SGK2: variants seen among roughly 807,000 people sequenced by gnomAD.
SGK2 encodes the protein serum/glucocorticoid regulated kinase 2, also known as serine/threonine-protein kinase Sgk2.
In SGK2, 36 loss-of-function variants were observed where a neutral mutation model predicts 47.5. The ratio of observed to expected loss-of-function variants is 0.76; its 90% CI spans 0.58 to 1.00. The LOEUF (loss-of-function observed/expected upper bound fraction) is 1.00, where lower values mean the gene tolerates loss of function less well. Among genes scored for constraint, SGK2 ranks in the 50% least tolerant of loss-of-function variants. The pLI is 0.00. For missense variants in SGK2, 404 were observed against 467.4 expected (o/e 0.86, Z 1.25); for synonymous variants, 157 against 181.9 (o/e 0.86, Z 1.10).
chr20:43,576,083 C>G, intron 10 of SGK2, 141 bp from the exon 11 acceptor site: 1 of 956,770 alleles, frequency 1.0e-6, no homozygotes, highest in Non-Finnish European at 1.6e-6. Context: ...AGTCCTGTCT[C>G]TTTCCAGTCT....
At chr20:43,563,341 G>T (rs1979503465) in intron 1 of SGK2, among the ~76,000 whole-genome samples, 1 of 152,132 alleles carries the variant, frequency 6.6e-6, no homozygotes, top group Non-Finnish European at 1.5e-5. Context: ...CAGTCAGTGA[G>T]CTAGAAGGAA....
At chr20:43,581,615 C>T (rs1375169467) in intron 12 of SGK2, among the ~76,000 whole-genome samples, 1 of 151,990 alleles carries the variant, frequency 6.6e-6, no homozygotes, top group Non-Finnish European at 1.5e-5. Flanking sequence ...TGCAGTGGCA[C>T]GATCTCAGGT....
intron 1 of SGK2, 63 bp downstream of exon 1, chr20:43,559,222 G>C (rs1312305309): frequency 1.3e-5 from 2 of 152,270 alleles, no homozygotes; most frequent in Non-Finnish European, 2.9e-5. Flanking sequence ...AGATTGACTA[G>C]TTACCTAGCT....
chr20:43,580,326 T>A (rs2301481), intron 12 of SGK2, among the ~76,000 whole-genome samples: 1 of 152,232 alleles, frequency 6.6e-6, no homozygotes, highest in Non-Finnish European at 1.5e-5. Flanking sequence ...AGTGCTCTGT[T>A]TCGCACAGCA....
intron 1 of SGK2, among the ~76,000 whole-genome samples, chr20:43,559,732 TGA>T (rs1979277241): frequency 6.6e-6 from 1 of 151,856 alleles, no homozygotes; most frequent in African/African-American, 2.4e-5. Context: ...GGAAAGGCAA[TGA>T]GAACAGGTGA....
At chr20:43,573,214 C>A (rs180862176) in intron 9 of SGK2, among the ~76,000 whole-genome samples, 2 of 152,194 alleles carry the variant, frequency 1.3e-5, no homozygotes, top group Non-Finnish European at 2.9e-5. Flanking sequence ...TTGGGCCAGG[C>A]GTGGTGGCTC....
rs1178268189 is a variant in SGK2 at position 43,567,695 on chromosome 20, A to G, written c.117A>G (p.Lys39=). 2.5e-6 allele frequency: 4 copies of G among 1,613,984 alleles called. No individual in the cohort carries two copies. Among genetic ancestry groups the G allele is most frequent in the Non-Finnish European group, 2.5e-6 (3 of 1,180,032 alleles). The part of the protein sequence containing the change: ...NAQPTDFDFL[K]VIGKGNYGKV... ...AGCCCACGGACTTCGACTTCCTCAA[A>G]GTCATCGGCAAAGGGAACTACGGGA... The change falls in exon 4 of 13, where the codon AAA becomes AAG. Residue 39 remains lysine (K), a synonymous_variant. Coordinates refer to ENST00000373100, the MANE Select transcript of SGK2 (RefSeq NM_170693.3).
chr20:43,566,561 T>A lies in SGK2; in HGVS notation c.36+30T>A, dbSNP rs773146584. 4.1e-6 allele frequency: 6 copies of A among 1,462,448 alleles called. No homozygotes were observed. In the African/African-American group the frequency reaches 6.9e-5, roughly 17 times the overall value. The allele number at this position is 1,462,448 out of a possible 1,614,324, so 90.6% of individuals were successfully genotyped here. ...GTGGTTCTTGGTCCCCCACCCATCA[T>A]CGGGGGCTCACTTCTTCCCGAGGCT... On this transcript the variant is annotated intron_variant, in intron 2 of 12. Coordinates refer to ENST00000373100, the MANE Select transcript of SGK2 (RefSeq NM_170693.3).
intron 11 of SGK2, among the ~76,000 whole-genome samples, 191 bp downstream of exon 11, chr20:43,576,570 T>A (rs1304667553): frequency 6.6e-6 from 1 of 152,234 alleles, no homozygotes; most frequent in Non-Finnish European, 1.5e-5. Context: ...CAATCAATAT[T>A]TACTAAGCAC....
chr20:43,562,417 CAAAAAAAAAAA>C (rs111670042), intron 1 of SGK2, among the ~76,000 whole-genome samples: 5 of 49,966 alleles, frequency 1.0e-4, no homozygotes, highest in South Asian at 1.0e-3. Flanking sequence ...AACCATGTCT[CAAAAAAAAAAA>C]AAAAAAAAAA....
At position 43,574,988 on chromosome 20, in the gene SGK2, A is replaced by T; in HGVS notation, c.677A>T (p.Glu226Val). 1.2e-6 allele frequency: 2 copies of T among 1,613,504 alleles called. No homozygotes were observed. Among genetic ancestry groups the T allele is most frequent in the Non-Finnish European group, 1.7e-6 (2 of 1,179,604 alleles). ...TGGTGCTTGGGGGCAGTCCTCTACG[A>T]GATGCTCCATGGCCTGGTGAGTCAG... ...DWWCLGAVLY[E>V]MLHGLPPFYS... The change falls in exon 10 of 13, where the codon GAG (glutamate) becomes GTG (valine). Residue 226 changes from glutamate (E) to valine (V), a missense_variant. By Grantham distance (121) the Glu-to-Val change is moderately radical (BLOSUM62 -2). Coordinates refer to ENST00000373100, the MANE Select transcript of SGK2 (RefSeq NM_170693.3).
chr20:43,580,950 A>T (rs945516521), intron 12 of SGK2, among the ~76,000 whole-genome samples: 31 of 151,026 alleles, frequency 2.1e-4, no homozygotes, highest in Non-Finnish European at 4.1e-4. Flanking sequence ...ATCTCGGCTC[A>T]CTGTAAGCTC....
chr20:43,574,985 A>T lies in SGK2; in HGVS notation c.674A>T (p.Tyr225Phe). ...VDWWCLGAVLYEMLHGLPPFY... is the reference protein window; with the variant it reads ...VDWWCLGAVLFEMLHGLPPFY... ...TGGTGGTGCTTGGGGGCAGTCCTCT[A>T]CGAGATGCTCCATGGCCTGGTGAGT... The change falls in exon 10 of 13, where the codon TAC becomes TTC. Residue 225 changes from tyrosine to phenylalanine, a missense_variant. Tyr to Phe is a conservative substitution (Grantham distance 22). Coordinates refer to ENST00000373100, the MANE Select transcript of SGK2 (RefSeq NM_170693.3). 1 of 1,613,490 alleles carries T rather than the reference A, an allele frequency of 6.2e-7. No individual in the cohort carries two copies. The highest frequency in any genetic ancestry group is 8.5e-7 in the Non-Finnish European group (1 of 1,179,592).
chr20:43,583,221 T>C (rs1286384894), intron 12 of SGK2: 6 of 1,289,776 alleles, frequency 4.7e-6, no homozygotes, highest in East Asian at 5.5e-5. Context: ...CTTCTTTTCG[T>C]TGGGATTTTA....
At chr20:43,560,541 C>A (rs145478899) in intron 1 of SGK2, among the ~76,000 whole-genome samples, 2 of 151,996 alleles carry the variant, frequency 1.3e-5, no homozygotes, top group African/African-American at 2.4e-5. Flanking sequence ...CCTAAGAACC[C>A]GCTGTGACCT....
At chr20:43,577,566 G>A (rs1015804182) in intron 11 of SGK2, among the ~76,000 whole-genome samples, 3 of 150,476 alleles carry the variant, frequency 2.0e-5, no homozygotes, top group Non-Finnish European at 2.9e-5. Context: ...TGGCCAGATG[G>A]TCTCGATCTT....
chr20:43,570,135 T>C (rs1355693364), intron 6 of SGK2, among the ~76,000 whole-genome samples: 1 of 152,156 alleles, frequency 6.6e-6, no homozygotes, highest in Admixed American at 6.5e-5. Context: ...CATTGGCCCA[T>C]GGGTGGATCT....
intron 12 of SGK2, chr20:43,583,453 C>CT: frequency 2.5e-6 from 3 of 1,185,398 alleles, no homozygotes; most frequent in Middle Eastern, 2.7e-4. Context: ...TCTTGGAACT[C>CT]TGAGTGCTGG....
At chr20:43,566,562 C>T (rs1448858491) in intron 2 of SGK2, 31 bp downstream of exon 2, 11 of 1,444,864 alleles carry the variant, frequency 7.6e-6, no homozygotes, top group Middle Eastern at 3.8e-4. Context: ...CACCCATCAT[C>T]GGGGGCTCAC....
Sources: gnomAD v4.1 joint callset for allele counts (sites outside exome capture counted in the v4.1 genomes callset) on GRCh38, gnomAD v4.1.1 for gene constraint, MANE v1.5 for transcripts, NCBI Gene and HGNC (gene_info 2026-07-23, HGNC 2026-07-21) for gene names.